Variants in DIAPH3 observed in about 807,000 individuals in gnomAD.
DIAPH3 encodes the protein diaphanous related formin 3.
DIAPH3 carries 117 observed loss-of-function variants against 144.3 expected under a neutral mutation model. The observed-to-expected ratio is 0.81, with a 90% CI of 0.70 to 0.95. The LOEUF is 0.95. Ranked by LOEUF, DIAPH3 falls within the 40% of genes least tolerant of loss-of-function variation. The pLI is 0.00. For missense variants in DIAPH3, 1,421 were observed against 1,412.7 expected (o/e 1.01, Z -0.09); for synonymous variants, 519 against 488.9 (o/e 1.06, Z -0.81).
intron 22 of DIAPH3, among the ~76,000 whole-genome samples, chr13:59,858,241 T>C (rs944396458): frequency 1.5e-4 from 23 of 151,750 alleles, no homozygotes; most frequent in African/African-American, 4.3e-4. Flanking sequence ...AAGCAATGCA[T>C]AGACACTGCA....
chr13:60,092,516 T>G (rs916447818), intron 4 of DIAPH3, among the ~76,000 whole-genome samples: 1 of 152,094 alleles, frequency 6.6e-6, no homozygotes, highest in African/African-American at 2.4e-5. Context: ...CCAGGCGTGG[T>G]GGCAGGCGCC....
chr13:59,825,241 T>A (rs1242267843), intron 24 of DIAPH3, among the ~76,000 whole-genome samples: 5 of 152,018 alleles, frequency 3.3e-5, no homozygotes, highest in Admixed American at 3.3e-4. Flanking sequence ...CCTGTGTCCA[T>A]GTGTTCTCAT....
chr13:60,036,696 A>T (rs2055255571), intron 5 of DIAPH3, among the ~76,000 whole-genome samples: 1 of 152,174 alleles, frequency 6.6e-6, no homozygotes, highest in African/African-American at 2.4e-5. Flanking sequence ...GTTAATTATC[A>T]AACACTTTTT....
intron 17 of DIAPH3, among the ~76,000 whole-genome samples, chr13:59,926,339 A>G (rs964873338): frequency 6.6e-6 from 1 of 152,000 alleles, no homozygotes; most frequent in African/African-American, 2.4e-5. Context: ...GAACTTTATT[A>G]TTTCTTTCCT....
intron 13 of DIAPH3, among the ~76,000 whole-genome samples, chr13:59,983,296 G>T (rs1268810086): frequency 6.7e-6 from 1 of 150,094 alleles, no homozygotes; most frequent in Non-Finnish European, 1.5e-5. Flanking sequence ...TCTTTTAATA[G>T]ATCTTTGCCT....
At chr13:59,987,866 A>C (rs750901188) in intron 12 of DIAPH3, among the ~76,000 whole-genome samples, 3 of 151,798 alleles carry the variant, frequency 2.0e-5, no homozygotes, top group Non-Finnish European at 4.4e-5. Flanking sequence ...AAAAGATTTT[A>C]TAAGCAAAAC....
chr13:59,881,375 C>T lies in DIAPH3; in HGVS notation c.2368-1907G>A, dbSNP rs879762220. On this transcript the variant is annotated intron_variant, in intron 20 of 27. Transcript: ENST00000400324. The stretch of plus-strand genomic sequence containing the variant: ...AATGGGCTCATAGCATCGCTGTTTT[C>T]AGTAAGTGCCATTATTCATGATTAT... Among the ~76,000 whole-genome samples the T allele has an allele frequency of 5.3e-5, 8 of 152,170 alleles. 1 individual carries two copies. The highest frequency in any genetic ancestry group is 5.2e-4 in the Admixed American group (8 of 15,278).
intron 17 of DIAPH3, among the ~76,000 whole-genome samples, chr13:59,951,076 A>G (rs1460237800): frequency 6.6e-6 from 1 of 152,144 alleles, no homozygotes; most frequent in Non-Finnish European, 1.5e-5. Context: ...GTAATGTTTT[A>G]TGTGTACTTA....
chr13:59,945,306 A>G (rs1170294764), intron 17 of DIAPH3, among the ~76,000 whole-genome samples: 1 of 152,102 alleles, frequency 6.6e-6, no homozygotes, highest in Non-Finnish European at 1.5e-5. Context: ...TTCAAAAACT[A>G]CAGTCATTTT....
At chr13:59,708,820 T>C (rs557483932) in intron 27 of DIAPH3, among the ~76,000 whole-genome samples, 4 of 152,252 alleles carry the variant, frequency 2.6e-5, no homozygotes, top group African/African-American at 9.6e-5. Context: ...ATAAGACATA[T>C]TGCTTTTATA....
chr13:60,023,542 T>A (rs907038470), intron 5 of DIAPH3, among the ~76,000 whole-genome samples: 5 of 151,980 alleles, frequency 3.3e-5, no homozygotes, highest in Non-Finnish European at 1.5e-5. Context: ...CAAGCAATTA[T>A]CCTGCCTTAG....
chr13:59,796,107 C>T (rs2039587695), intron 25 of DIAPH3, among the ~76,000 whole-genome samples: 1 of 152,130 alleles, frequency 6.6e-6, no homozygotes, highest in Non-Finnish European at 1.5e-5. Context: ...CTGCGGATAA[C>T]TGAGAGTCAG....
chr13:59,818,045 A>G (rs2040870504), intron 24 of DIAPH3, among the ~76,000 whole-genome samples: 1 of 151,914 alleles, frequency 6.6e-6, no homozygotes, highest in African/African-American at 2.4e-5. Context: ...AGCAGAGGCT[A>G]TCGAACTATA....
At chr13:59,903,461 C>T (rs914197760) in intron 20 of DIAPH3, among the ~76,000 whole-genome samples, 5 of 151,966 alleles carry the variant, frequency 3.3e-5, no homozygotes, top group Non-Finnish European at 5.9e-5. Context: ...AGTACTAAAA[C>T]AAGTATTGTA....
intron 22 of DIAPH3, among the ~76,000 whole-genome samples, chr13:59,842,761 T>G (rs1054944926): frequency 2.0e-5 from 3 of 152,078 alleles, no homozygotes; most frequent in African/African-American, 7.2e-5. Context: ...TACTTATGAT[T>G]GTAGCTTTAT....
intron 20 of DIAPH3, among the ~76,000 whole-genome samples, chr13:59,892,512 T>G (rs2045867878): frequency 6.6e-6 from 1 of 152,014 alleles, no homozygotes; most frequent in African/African-American, 2.4e-5. Flanking sequence ...TATAAAATGA[T>G]GTGAATAACA....
At chr13:59,706,227 G>A (rs892878024) in intron 27 of DIAPH3, among the ~76,000 whole-genome samples, 1 of 152,136 alleles carries the variant, frequency 6.6e-6, no homozygotes, top group Non-Finnish European at 1.5e-5. Context: ...GTCTGCACGT[G>A]TTTAGTACAG....
At chr13:59,955,457 C>T (rs1257320672) in intron 17 of DIAPH3, among the ~76,000 whole-genome samples, 1 of 152,162 alleles carries the variant, frequency 6.6e-6, no homozygotes, top group Non-Finnish European at 1.5e-5. Context: ...GCCTTCCCAG[C>T]CATGTGGAAC....
intron 5 of DIAPH3, among the ~76,000 whole-genome samples, chr13:60,035,199 T>C (rs1275040205): frequency 2.0e-5 from 3 of 152,188 alleles, no homozygotes; most frequent in Non-Finnish European, 4.4e-5. Flanking sequence ...ATCTATAGAA[T>C]ACACGTGTCT....
Sources: allele counts gnomAD v4.1 joint callset (sites outside exome capture counted in the v4.1 genomes callset), GRCh38; gene constraint gnomAD v4.1.1; transcripts MANE v1.5; gene names NCBI Gene and HGNC (gene_info 2026-07-23, HGNC 2026-07-21).